The following PDCD4 variants were observed in gnomAD, a reference collection of about 807,000 sequenced individuals.
The protein encoded by PDCD4 is programmed cell death protein 4.
PDCD4 carries 56 observed loss-of-function variants against 54.0 expected under a neutral mutation model. The ratio of observed to expected loss-of-function variants is 1.04; its 90% CI spans 0.84 to 1.30. PDCD4 has a LOEUF of 1.30. Ranked by LOEUF, PDCD4 falls within the 50% of genes most tolerant of loss-of-function variation. The pLI, the probability that PDCD4 is intolerant of heterozygous loss-of-function variation, is 0.00. For synonymous variants in PDCD4, 186 were observed against 194.8 expected (o/e 0.95, Z 0.37); for missense variants, 584 against 559.8 (o/e 1.04, Z -0.44).
chr10:110,881,650 G>A (rs1358442809), intron 3 of PDCD4, 115 bp downstream of exon 3: 1 of 813,964 alleles, frequency 1.2e-6, no homozygotes, highest in African/African-American at 1.7e-5. Flanking sequence ...AAGTGAAAAT[G>A]TAAGGCTTTA....
chr10:110,877,520 T>C (rs1845524000), intron 2 of PDCD4, among the ~76,000 whole-genome samples: 1 of 152,190 alleles, frequency 6.6e-6, no homozygotes, highest in Non-Finnish European at 1.5e-5. Context: ...TTCACCTGTT[T>C]TTACTTTTTA....
At chr10:110,896,244 T>C (rs1258169209) in intron 11 of PDCD4, among the ~76,000 whole-genome samples, 157 bp downstream of exon 11, 1 of 152,210 alleles carries the variant, frequency 6.6e-6, no homozygotes, top group African/African-American at 2.4e-5. Context: ...TTTAGCCCCC[T>C]TGTAAATCTG....
chr10:110,892,680 G>A (rs1187510051), intron 8 of PDCD4, among the ~76,000 whole-genome samples: 2 of 152,130 alleles, frequency 1.3e-5, no homozygotes, highest in East Asian at 1.9e-4. Context: ...AATTCCTATC[G>A]TTGAGTGATA....
chr10:110,896,221 G>C (rs991946023), intron 11 of PDCD4, 134 bp downstream of exon 11: 2 of 664,048 alleles, frequency 3.0e-6, no homozygotes, highest in Non-Finnish European at 5.0e-6. Context: ...GGAGAAAGAA[G>C]GGCGAAGCTT....
At chr10:110,873,481 A>G (rs1845453794) in intron 1 of PDCD4, among the ~76,000 whole-genome samples, 1 of 152,206 alleles carries the variant, frequency 6.6e-6, no homozygotes, top group African/African-American at 2.4e-5. Context: ...CTCTTAGGGA[A>G]TGTCTTGGCA....
chr10:110,898,000 T>C, intron 11 of PDCD4, 28 bp from the exon 12 acceptor site: 4 of 1,539,568 alleles, frequency 2.6e-6, no homozygotes, highest in Non-Finnish European at 3.5e-6. Flanking sequence ...TGTATCTGTT[T>C]TCATGTCTTT....
intron 2 of PDCD4, 55 bp from the exon 3 acceptor site, chr10:110,881,178 A>G: frequency 7.6e-7 from 1 of 1,315,180 alleles, no homozygotes; most frequent in Non-Finnish European, 1.1e-6. Flanking sequence ...CTATATCTAT[A>G]AAACAGTAGA....
chr10:110,891,247 A>G (rs1845751345), intron 8 of PDCD4, among the ~76,000 whole-genome samples: 2 of 151,962 alleles, frequency 1.3e-5, no homozygotes, highest in Admixed American at 1.3e-4. Context: ...TCTACTAAAA[A>G]TACATAATAA....
Position 110,898,193 on chromosome 10 carries a change from G to A in PDCD4, c.*105G>A, listed in dbSNP as rs755392885. 41 of 512,564 alleles carry A rather than the reference G, an allele frequency of 8.0e-5. No homozygotes were observed. The highest frequency in any genetic ancestry group is 1.3e-4 in the Non-Finnish European group (39 of 307,176). 31.8% of individuals were successfully genotyped at this position (512,564 alleles called of 1,614,324 possible). Reference sequence around the variant, plus strand: ...TTTTTTTTTTTAAGCACTTGTTTTGGGTACAAGGCATTTCTGACATTTTAT... The same window carrying A: ...TTTTTTTTTTTAAGCACTTGTTTTGAGTACAAGGCATTTCTGACATTTTAT... On this transcript the variant is annotated 3_prime_UTR_variant, in exon 12 of 12. Coordinates refer to ENST00000280154, the MANE Select transcript of PDCD4 (RefSeq NM_014456.5).
At chr10:110,893,471 T>G (rs1363368473) in intron 8 of PDCD4, among the ~76,000 whole-genome samples, 1 of 151,646 alleles carries the variant, frequency 6.6e-6, no homozygotes, top group Non-Finnish European at 1.5e-5. Context: ...GAAACTCTTG[T>G]GCTGAAAAAG....
chr10:110,898,588 A>C lies in PDCD4; in HGVS notation c.*500A>C, dbSNP rs1171507735. ...GAATTTTTAAAAAATTAGTCATGAGACTTATTCATCTTTCCAGGGAACATA... is the reference window on the plus strand; with the variant it reads ...GAATTTTTAAAAAATTAGTCATGAGCCTTATTCATCTTTCCAGGGAACATA... On this transcript the variant is annotated 3_prime_UTR_variant, in exon 12 of 12. Coordinates refer to ENST00000280154, the MANE Select transcript of PDCD4 (RefSeq NM_014456.5). The C allele has an allele frequency of 2.0e-5, 3 of 152,660 alleles. No homozygotes were observed. The highest frequency in any genetic ancestry group is 7.2e-5 in the African/African-American group (3 of 41,450). 9.5% of individuals were successfully genotyped at this position (152,660 alleles called of 1,614,324 possible).
At chr10:110,886,076 A>G (rs1845665853) in intron 5 of PDCD4, among the ~76,000 whole-genome samples, 1 of 152,162 alleles carries the variant, frequency 6.6e-6, no homozygotes, top group African/African-American at 2.4e-5. Context: ...TATAAGACAA[A>G]TATTTGTTCA....
chr10:110,880,059 A>G lies in PDCD4; in HGVS notation c.44-1174A>G, dbSNP rs146252294. On this transcript the variant is annotated intron_variant, in intron 2 of 11. Coordinates refer to ENST00000280154, the MANE Select transcript of PDCD4 (RefSeq NM_014456.5). ...ACAATAATGAACAAAACTGTGGCCC[A>G]GTGGTAGCTAATTCAGTAGCCTTTC... Among the ~76,000 whole-genome samples, 356 of 152,336 alleles carry G rather than the reference A, an allele frequency of 2.3e-3. 1 individual carries two copies. The highest frequency in any genetic ancestry group is 8.2e-3 in the African/African-American group (342 of 41,566).
chr10:110,875,355 A>G (rs1393434830), intron 1 of PDCD4, among the ~76,000 whole-genome samples: 3 of 152,142 alleles, frequency 2.0e-5, no homozygotes, highest in Non-Finnish European at 4.4e-5. Context: ...TTATCAAAAA[A>G]GGATTTCTCA....
intron 6 of PDCD4, among the ~76,000 whole-genome samples, chr10:110,888,619 A>G (rs772838433): frequency 2.6e-5 from 4 of 152,178 alleles, no homozygotes; most frequent in Non-Finnish European, 5.9e-5. Flanking sequence ...GTGGGTATAT[A>G]TCAATGTATG....
chr10:110,887,402 AGTATTTTAAAG>A (rs1287026687), intron 5 of PDCD4, among the ~76,000 whole-genome samples: 1 of 152,200 alleles, frequency 6.6e-6, no homozygotes, highest in Admixed American at 6.5e-5. Context: ...GACCCATGAC[AGTATTTTAAAG>A]GTATTTCACA....
chr10:110,882,261 A>G (rs1181460869), intron 3 of PDCD4, among the ~76,000 whole-genome samples: 1 of 152,246 alleles, frequency 6.6e-6, no homozygotes, highest in South Asian at 2.1e-4. Flanking sequence ...TGGCAAGGAT[A>G]TACTTGGTAC....
At chr10:110,876,355 C>G (rs974945233) in intron 2 of PDCD4, among the ~76,000 whole-genome samples, 3 of 152,158 alleles carry the variant, frequency 2.0e-5, no homozygotes, top group African/African-American at 7.2e-5. Context: ...TCAGACCATT[C>G]CATATTTTAT....
In PDCD4 at chr10:110,894,462, T is replaced by C. The variant is rs1441907801; in HGVS notation, c.1149T>C (p.Ile383=). ...ESTGESTFKM[I]LDLLKSLWKS... ...CTGGAGAAAGTACATTTAAGATGAT[T>C]TTGGATTTATTAAAGTCCCTTTGGA... is the stretch of plus-strand genomic sequence containing the variant. The change falls in exon 10 of 12, where the codon ATT becomes ATC. Residue 383 remains isoleucine (I), a synonymous_variant. Coordinates refer to ENST00000280154, the MANE Select transcript of PDCD4 (RefSeq NM_014456.5). 1.3e-6 allele frequency: 2 copies of C among 1,574,704 alleles called. No individual in the cohort carries two copies. Among genetic ancestry groups the C allele is most frequent in the Non-Finnish European group, 1.7e-6 (2 of 1,145,548 alleles).
Sources: allele counts gnomAD v4.1 joint callset (sites outside exome capture counted in the v4.1 genomes callset), GRCh38; gene constraint gnomAD v4.1.1; transcripts MANE v1.5; gene names NCBI Gene and HGNC (gene_info 2026-07-23, HGNC 2026-07-21).